TBC1D8: variants seen among roughly 807,000 people sequenced by gnomAD.
TBC1D8 encodes the protein BUB2-like protein 1.
Under a neutral mutation model 118.8 loss-of-function variants are expected in TBC1D8, and 65 were observed. That is an observed-to-expected ratio of 0.55 (90% CI 0.45 to 0.67). The LOEUF (loss-of-function observed/expected upper bound fraction) is 0.67. Among genes scored for constraint, TBC1D8 ranks in the 30% least tolerant of loss-of-function variants. The pLI, the probability that TBC1D8 is intolerant of heterozygous loss-of-function variation, is 0.00. For synonymous variants in TBC1D8, 566 were observed against 595.8 expected (o/e 0.95, Z 0.73); for missense variants, 1,376 against 1,471.2 (o/e 0.94, Z 1.06).
At chr2:101,060,361 C>T (rs1189785349) in intron 2 of TBC1D8, among the ~76,000 whole-genome samples, 2 of 152,154 alleles carry the variant, frequency 1.3e-5, no homozygotes, top group Non-Finnish European at 2.9e-5. Context: ...AACATTGCTG[C>T]AACACAACAA....
intron 4 of TBC1D8, among the ~76,000 whole-genome samples, chr2:101,051,654 C>A (rs1320687578): frequency 1.3e-5 from 2 of 151,886 alleles, no homozygotes; most frequent in African/African-American, 4.8e-5. Context: ...AGGACACGAA[C>A]AGACACTTTT....
chr2:101,105,533 G>C (rs539520459), intron 1 of TBC1D8, among the ~76,000 whole-genome samples: 1 of 149,832 alleles, frequency 6.7e-6, no homozygotes, highest in Admixed American at 6.7e-5. Context: ...AGGTTGCAGT[G>C]AGCTAAGATC....
intron 1 of TBC1D8, among the ~76,000 whole-genome samples, chr2:101,122,799 T>C (rs989529523): frequency 2.6e-5 from 4 of 152,188 alleles, no homozygotes; most frequent in African/African-American, 9.6e-5. Context: ...CCGCTTGCGT[T>C]TTTCAACAGT....
chr2:101,111,137 A>G (rs140827761), intron 1 of TBC1D8, among the ~76,000 whole-genome samples: 1 of 152,326 alleles, frequency 6.6e-6, no homozygotes, highest in African/African-American at 2.4e-5. Flanking sequence ...TGAGAAATCT[A>G]CCTATTCAAA....
intron 17 of TBC1D8, among the ~76,000 whole-genome samples, chr2:101,016,915 G>A (rs1558621615): frequency 1.3e-5 from 2 of 151,918 alleles, no homozygotes; most frequent in Admixed American, 1.3e-4. Flanking sequence ...CACACTCTGG[G>A]GACTGGTGTG....
intron 19 of TBC1D8, among the ~76,000 whole-genome samples, chr2:101,009,088 A>C (rs1678975145): frequency 1.3e-5 from 2 of 152,124 alleles, no homozygotes; most frequent in Non-Finnish European, 2.9e-5. Context: ...CAATTACTCC[A>C]AGAATAGAAA....
chr2:101,112,357 T>A (rs1210893634), intron 1 of TBC1D8, among the ~76,000 whole-genome samples: 2 of 152,220 alleles, frequency 1.3e-5, no homozygotes, highest in African/African-American at 4.8e-5. Context: ...TGATCTAAGG[T>A]GGTCTCCTGC....
intron 1 of TBC1D8, among the ~76,000 whole-genome samples, chr2:101,104,821 G>C (rs1477730535): frequency 6.6e-6 from 1 of 152,162 alleles, no homozygotes; most frequent in Non-Finnish European, 1.5e-5. Context: ...TTCAAGACCT[G>C]CCTGACCAAT....
At chr2:101,133,945 T>C (rs1678711714) in intron 1 of TBC1D8, among the ~76,000 whole-genome samples, 1 of 152,156 alleles carries the variant, frequency 6.6e-6, no homozygotes, top group East Asian at 1.9e-4. Context: ...CTAACACTTA[T>C]AAAACCATCA....
In TBC1D8 at chr2:101,028,079, T is replaced by C. The variant is rs1680443979; in HGVS notation, c.2420A>G (p.Gln807Arg). The C allele has an allele frequency of 1.2e-6, 2 of 1,614,022 alleles. No individual in the cohort carries two copies. Among genetic ancestry groups the C allele is most frequent in the Admixed American group, 1.7e-5 (1 of 60,022 alleles). Residue 807 changes from glutamine (Q) to arginine (R), a missense_variant, in exon 14 of 20, where the codon CAA becomes CGA. Gln to Arg is a conservative substitution (Grantham distance 43, BLOSUM62 1). Coordinates refer to ENST00000409318, the MANE Select transcript of TBC1D8 (RefSeq NM_001330348.2). Reference protein sequence around the residue: ...LRYKHRIRVLQGHEDTTKQNV... With the variant: ...LRYKHRIRVLRGHEDTTKQNV... ...CTGCTTTGTGGTGTCCTCGTGGCCTTGGAGGACCCTGATCCTGTGCTTGTA... is the reference window on the plus strand; with the variant it reads ...CTGCTTTGTGGTGTCCTCGTGGCCTCGGAGGACCCTGATCCTGTGCTTGTA...
intron 1 of TBC1D8, among the ~76,000 whole-genome samples, chr2:101,092,023 A>G (rs1676072007): frequency 6.6e-6 from 1 of 152,240 alleles, no homozygotes; most frequent in Non-Finnish European, 1.5e-5. Context: ...GAACATTAAT[A>G]TTGATATGGC....
chr2:101,020,609 A>G (rs1223856408), intron 17 of TBC1D8, among the ~76,000 whole-genome samples: 1 of 152,228 alleles, frequency 6.6e-6, no homozygotes, highest in Non-Finnish European at 1.5e-5. Context: ...CAGAATGCTC[A>G]CTGGGGAGAG....
At chr2:101,098,090 G>T (rs1027894655) in intron 1 of TBC1D8, among the ~76,000 whole-genome samples, 6 of 152,042 alleles carry the variant, frequency 3.9e-5, no homozygotes, top group African/African-American at 1.4e-4. Context: ...TTTAAAAAAA[G>T]AAAGAACAAA....
intron 2 of TBC1D8, among the ~76,000 whole-genome samples, chr2:101,075,008 C>T (rs1018409476): frequency 1.3e-5 from 2 of 152,034 alleles, no homozygotes; most frequent in African/African-American, 4.8e-5. Context: ...GAGGAATGAC[C>T]AATTCCAAAT....
chr2:101,071,942 T>G (rs976241687), intron 2 of TBC1D8, among the ~76,000 whole-genome samples: 1 of 152,240 alleles, frequency 6.6e-6, no homozygotes, highest in Non-Finnish European at 1.5e-5. Context: ...TATGCAACTA[T>G]AGCCTTATGA....
rs1217000966 is a variant in TBC1D8 at position 101,054,253 on chromosome 2, G to T, written c.486C>A (p.Phe162Leu). 1 of 1,603,522 alleles carries T rather than the reference G, an allele frequency of 6.2e-7. No homozygotes were observed. ...CCTCGGGGAAGTTGAACCTGGCCTC[G>T]AACTTCACCAGGGCTTCTCGGAATT... Reference protein sequence around the residue: ...PEKFREALVKFEARFNFPEAE... With the variant: ...PEKFREALVKLEARFNFPEAE... Residue 162 changes from phenylalanine (F) to leucine (L), a missense_variant, in exon 4 of 20, where the codon TTC becomes TTA. Phe to Leu is a conservative substitution (Grantham distance 22, BLOSUM62 0). Coordinates refer to ENST00000409318, the MANE Select transcript of TBC1D8 (RefSeq NM_001330348.2).
intron 8 of TBC1D8, 63 bp from the exon 9 acceptor site, chr2:101,036,231 T>G (rs1681000524): frequency 1.9e-6 from 3 of 1,576,502 alleles, no homozygotes; most frequent in Non-Finnish European, 2.6e-6. Flanking sequence ...CACCCACCGA[T>G]GCACCGCTGG....
chr2:101,095,339 G>A (rs973966292), intron 1 of TBC1D8, among the ~76,000 whole-genome samples: 2 of 150,186 alleles, frequency 1.3e-5, no homozygotes, highest in African/African-American at 4.9e-5. Context: ...CCATGTTGGT[G>A]TGCTGCACCC....
intron 19 of TBC1D8, among the ~76,000 whole-genome samples, chr2:101,008,811 T>TAA (rs34291098): frequency 6.2e-4 from 91 of 145,796 alleles, no homozygotes; most frequent in Middle Eastern, 3.5e-3. Context: ...AACTTTGTCT[T>TAA]AAAAAAAAAA....
Sources: allele counts gnomAD v4.1 joint callset (sites outside exome capture counted in the v4.1 genomes callset), GRCh38; gene constraint gnomAD v4.1.1; transcripts MANE v1.5; gene names NCBI Gene and HGNC (gene_info 2026-07-23, HGNC 2026-07-21).